The following SNX9 variants were observed in gnomAD, a reference collection of about 807,000 sequenced individuals.
SNX9 encodes sorting nexin 9, also known as sorting nexin-9.
A neutral mutation model predicts 89.4 loss-of-function variants in SNX9; 44 were observed. The ratio of observed to expected loss-of-function variants is 0.49; its 90% CI spans 0.39 to 0.63. The LOEUF (loss-of-function observed/expected upper bound fraction) is 0.63, where lower values mean the gene tolerates loss of function less well. Ranked by LOEUF, SNX9 falls within the 30% of genes least tolerant of loss-of-function variation. SNX9 has a pLI of 0.00. For synonymous variants in SNX9, 236 were observed against 247.8 expected (o/e 0.95, Z 0.45); for missense variants, 578 against 736.1 (o/e 0.79, Z 2.49).
chr6:157,895,542 A>G (rs1782960587), intron 4 of SNX9, among the ~76,000 whole-genome samples: 1 of 152,184 alleles, frequency 6.6e-6, no homozygotes, highest in South Asian at 2.1e-4. Flanking sequence ...AATATATACA[A>G]TGGAATTTTA....
chr6:157,865,060 C>A (rs114828795), intron 1 of SNX9, among the ~76,000 whole-genome samples: 7,735 of 152,076 alleles, frequency 0.051, 221 homozygotes, highest in East Asian at 0.11. Flanking sequence ...ACTACCGCAG[C>A]CAGGCATGGT....
intron 13 of SNX9, among the ~76,000 whole-genome samples, chr6:157,935,185 C>T (rs548907360): frequency 3.9e-5 from 6 of 152,144 alleles, no homozygotes; most frequent in African/African-American, 4.8e-5. Context: ...TCTGGGTAAC[C>T]GGAATATTGA....
At chr6:157,848,026 T>A (rs1467218767) in intron 1 of SNX9, among the ~76,000 whole-genome samples, 1 of 152,194 alleles carries the variant, frequency 6.6e-6, no homozygotes, top group Non-Finnish European at 1.5e-5. Flanking sequence ...ACCTGCCTGC[T>A]GTAAAGCCCT....
At chr6:157,914,436 C>A (rs571372748) in intron 9 of SNX9, among the ~76,000 whole-genome samples, 65 of 147,568 alleles carry the variant, frequency 4.4e-4, no homozygotes, top group African/African-American at 1.5e-3. Flanking sequence ...AATAACTTGT[C>A]GCAGCTGTGG....
At chr6:157,879,541 A>G (rs1280066399) in intron 4 of SNX9, among the ~76,000 whole-genome samples, 1 of 152,256 alleles carries the variant, frequency 6.6e-6, no homozygotes. Context: ...CCAGATAAGG[A>G]CAACCATTTT....
intron 2 of SNX9, 99 bp downstream of exon 2, chr6:157,867,732 G>T: frequency 3.2e-6 from 3 of 947,638 alleles, no homozygotes; most frequent in East Asian, 2.9e-5. Flanking sequence ...TGTCCCATGT[G>T]GACTTATTTT....
intron 7 of SNX9, among the ~76,000 whole-genome samples, chr6:157,908,103 T>A (rs1037621445): frequency 1.8e-4 from 28 of 152,100 alleles, no homozygotes; most frequent in African/African-American, 6.8e-4. Flanking sequence ...AAAAAAAAAA[T>A]TAGGACTGGG....
At chr6:157,926,434 G>A (rs1783692905) in intron 10 of SNX9, among the ~76,000 whole-genome samples, 1 of 152,104 alleles carries the variant, frequency 6.6e-6, no homozygotes, top group Non-Finnish European at 1.5e-5. Flanking sequence ...TTTTAGAAAA[G>A]CATTTACCTT....
chr6:157,850,652 G>A (rs1300491139), intron 1 of SNX9, among the ~76,000 whole-genome samples: 1 of 152,116 alleles, frequency 6.6e-6, no homozygotes, highest in African/African-American at 2.4e-5. Flanking sequence ...ACCCCCAAGA[G>A]CTCCCTTAAA....
intron 6 of SNX9, among the ~76,000 whole-genome samples, chr6:157,904,704 G>A (rs2115173231): frequency 6.6e-6 from 1 of 152,180 alleles, no homozygotes; most frequent in East Asian, 1.9e-4. Context: ...GTGAGACTCT[G>A]TCTCAAAAAA....
chr6:157,845,406 C>T (rs1382147166), intron 1 of SNX9, among the ~76,000 whole-genome samples: 4 of 152,148 alleles, frequency 2.6e-5, no homozygotes, highest in South Asian at 2.1e-4. Flanking sequence ...CCACCGTGCC[C>T]GGCCCCATTT....
intron 7 of SNX9, among the ~76,000 whole-genome samples, chr6:157,907,446 T>C (rs1196334504): frequency 6.6e-6 from 1 of 152,168 alleles, no homozygotes; most frequent in African/African-American, 2.4e-5. Flanking sequence ...CACGCCTAGC[T>C]AATTTTTTTT....
intron 7 of SNX9, among the ~76,000 whole-genome samples, chr6:157,908,934 C>T (rs1783276827): frequency 6.6e-6 from 1 of 152,190 alleles, no homozygotes; most frequent in Non-Finnish European, 1.5e-5. Context: ...AAGCCTTGCC[C>T]AGGTGGACGT....
intron 13 of SNX9, among the ~76,000 whole-genome samples, chr6:157,933,982 C>CT (rs1488375772): frequency 6.6e-6 from 1 of 152,200 alleles, no homozygotes; most frequent in African/African-American, 2.4e-5. Flanking sequence ...ATTCAAGTTC[C>CT]TGTTGACTGG....
At chr6:157,870,252 GCT>G (rs59022017) in intron 2 of SNX9, among the ~76,000 whole-genome samples, 4,481 of 143,444 alleles carry the variant, frequency 0.031, 86 homozygotes, top group Middle Eastern at 0.094. Context: ...ACTCTCACCT[GCT>G]CTCTCACATC....
intron 2 of SNX9, among the ~76,000 whole-genome samples, chr6:157,869,284 C>T (rs1330888793): frequency 3.3e-5 from 5 of 152,170 alleles, no homozygotes; most frequent in Non-Finnish European, 4.4e-5. Flanking sequence ...GTATTGCCGT[C>T]TCTGTGGTGA....
intron 1 of SNX9, among the ~76,000 whole-genome samples, chr6:157,843,591 G>A (rs1251345189): frequency 6.6e-6 from 1 of 152,088 alleles, no homozygotes; most frequent in Non-Finnish European, 1.5e-5. Flanking sequence ...CATGTAAAGT[G>A]GACCAGACCT....
At chr6:157,858,640 C>T (rs571394633) in intron 1 of SNX9, among the ~76,000 whole-genome samples, 1 of 152,104 alleles carries the variant, frequency 6.6e-6, no homozygotes, top group Non-Finnish European at 1.5e-5. Context: ...TTAGCATGTT[C>T]TCACACTGCT....
At chr6:157,900,591 T>G (rs189632672) in intron 5 of SNX9, among the ~76,000 whole-genome samples, 1 of 152,094 alleles carries the variant, frequency 6.6e-6, no homozygotes, top group African/African-American at 2.4e-5. Flanking sequence ...TTATTAAGTT[T>G]AGTGAGGGCG....
Sources: allele counts gnomAD v4.1 joint callset (sites outside exome capture counted in the v4.1 genomes callset), GRCh38; gene constraint gnomAD v4.1.1; transcripts MANE v1.5; gene names NCBI Gene and HGNC (gene_info 2026-07-23, HGNC 2026-07-21).